Variants in PLEKHH2 observed in about 807,000 individuals in gnomAD.
PLEKHH2 encodes the protein pleckstrin homology domain-containing family H member 2.
Under a neutral mutation model 187.9 loss-of-function variants are expected in PLEKHH2, and 129 were observed. The observed-to-expected ratio is 0.69, with a 90% CI of 0.59 to 0.79. The LOEUF (loss-of-function observed/expected upper bound fraction) is 0.79, where lower values mean the gene tolerates loss of function less well. PLEKHH2 is among the 30% of genes least tolerant of loss of function. The probability of loss-of-function intolerance (pLI) is 0.00; values close to 1 mark genes in which losing one functional copy is unlikely to be tolerated. For missense variants in PLEKHH2, 2,076 were observed against 1,751.2 expected, an observed-to-expected ratio of 1.19 and a Z score of -3.31; for synonymous variants, 686 against 605.6, an observed-to-expected ratio of 1.13 and a Z score of -1.95.
At chr2:43,655,328 G>A (rs900849254) in intron 2 of PLEKHH2, among the ~76,000 whole-genome samples, 1 of 152,236 alleles carries the variant, frequency 6.6e-6, no homozygotes, top group African/African-American at 2.4e-5. Context: ...TAGTGGTGGG[G>A]GATTTGGTGA....
chr2:43,754,756 C>G lies in PLEKHH2; in HGVS notation c.3795+996C>G, dbSNP rs144574047. On this transcript the variant is annotated intron_variant, in intron 25 of 29. Coordinates refer to ENST00000282406, the MANE Select transcript of PLEKHH2 (RefSeq NM_172069.4). ...TTGGCCTATGGCTCTTCACGCTACA[C>G]TCTGTCCCAGGACATCTCAATCATT... is the stretch of plus-strand genomic sequence containing the variant. Among the ~76,000 whole-genome samples the G allele has an allele frequency of 3.2e-3, 494 of 152,274 alleles. 1 individual carries two copies. The highest frequency in any genetic ancestry group is 0.011 in the African/African-American group (457 of 41,560).
At chr2:43,639,813 T>C (rs1374245916) in intron 1 of PLEKHH2, among the ~76,000 whole-genome samples, 1 of 152,032 alleles carries the variant, frequency 6.6e-6, no homozygotes, top group Non-Finnish European at 1.5e-5. Flanking sequence ...TGCACCACCA[T>C]GCCTGGCTAA....
chr2:43,719,288 CTGATA>C (rs1558556549), intron 15 of PLEKHH2, among the ~76,000 whole-genome samples: 2 of 152,102 alleles, frequency 1.3e-5, no homozygotes, highest in African/African-American at 4.8e-5. Flanking sequence ...AACTTAGTAC[CTGATA>C]TACAGGAGGT....
At chr2:43,706,994 G>A (rs186543006) in intron 10 of PLEKHH2, among the ~76,000 whole-genome samples, 3 of 151,982 alleles carry the variant, frequency 2.0e-5, no homozygotes, top group Admixed American at 6.5e-5. Flanking sequence ...TCAGGAGTTC[G>A]AGACCAGCCT....
Position 43,706,392 on chromosome 2 carries a change from C to G in PLEKHH2, c.1797C>G (p.Thr599=). 6.2e-7 allele frequency: 1 copy of G among 1,600,562 alleles called. No homozygotes were observed. The highest frequency in any genetic ancestry group is 2.2e-5 in the East Asian group (1 of 44,784). The change falls in exon 10 of 30, where the codon ACC becomes ACG. Residue 599 remains threonine (T), a synonymous_variant. Transcript: ENST00000282406. The stretch of plus-strand genomic sequence containing the variant: ...CTCTGATATACAAGAACATGACCAC[C>G]CCAGTGTATACAACTTTGAAGGGGG... ...YTSLIYKNMT[T]PVYTTLKGKA...
intron 10 of PLEKHH2, among the ~76,000 whole-genome samples, chr2:43,706,770 G>T (rs1428656233): frequency 6.6e-6 from 1 of 152,148 alleles, no homozygotes. Flanking sequence ...CTTGCTTGAA[G>T]TATTAATTAA....
At chr2:43,681,338 T>G in intron 3 of PLEKHH2, 1 of 1,113,600 alleles carries the variant, frequency 9.0e-7, no homozygotes, top group Non-Finnish European at 1.3e-6. Flanking sequence ...CTCAGCTCCA[T>G]TGGGGTCACC....
intron 3 of PLEKHH2, among the ~76,000 whole-genome samples, chr2:43,685,606 C>CTT (rs34341551): frequency 8.8e-4 from 119 of 135,656 alleles, no homozygotes; most frequent in Middle Eastern, 3.8e-3. Context: ...GTTTTTTAAC[C>CTT]TTTTTTTTTT....
intron 11 of PLEKHH2, 137 bp downstream of exon 11, chr2:43,707,682 G>A: frequency 1.1e-6 from 1 of 909,714 alleles, no homozygotes. Context: ...TTTAGCCTAT[G>A]ACTGATATGT....
At chr2:43,720,573 T>C in intron 15 of PLEKHH2, 96 bp from the exon 16 acceptor site, 4 of 1,551,538 alleles carry the variant, frequency 2.6e-6, no homozygotes, top group Non-Finnish European at 3.5e-6. Context: ...CTGGGCAAAC[T>C]GGATGCCTAT....
rs183815938 is a variant in PLEKHH2 at position 43,766,501 on chromosome 2, C to A, written c.*903C>A. The A allele has an allele frequency of 9.2e-5, 14 of 152,950 alleles. No individual in the cohort carries two copies. The highest frequency in any genetic ancestry group is 1.5e-4 in the Non-Finnish European group (10 of 68,442). 9.5% of individuals were successfully genotyped at this position (152,950 alleles called of 1,614,324 possible). Reference sequence around the variant, plus strand: ...CACAGATAGGGTCTTGCTATGTTGCCCAGGCTGGTCTTGAACTCCTGGCCT... The same window carrying A: ...CACAGATAGGGTCTTGCTATGTTGCACAGGCTGGTCTTGAACTCCTGGCCT... On this transcript the variant is annotated 3_prime_UTR_variant, in exon 30 of 30. Coordinates refer to ENST00000282406, the MANE Select transcript of PLEKHH2 (RefSeq NM_172069.4).
At chr2:43,674,362 T>G (rs999596346) in intron 2 of PLEKHH2, among the ~76,000 whole-genome samples, 1 of 152,212 alleles carries the variant, frequency 6.6e-6, no homozygotes, top group Non-Finnish European at 1.5e-5. Flanking sequence ...TATAGTTATA[T>G]TGTAGAAGTG....
At position 43,767,231 on chromosome 2, in the gene PLEKHH2, T is replaced by A. The variant is rs1256861268; in HGVS notation, c.*1633T>A. ...ATTTGAGAAATGTTAGCTGCTGAAT[T>A]AATTTGTTGCCCGAGCCTTCATATT... On this transcript the variant is annotated 3_prime_UTR_variant, in exon 30 of 30. Coordinates refer to ENST00000282406, the MANE Select transcript of PLEKHH2 (RefSeq NM_172069.4). The A allele has an allele frequency of 2.0e-5, 3 of 152,336 alleles. No individual in the cohort carries two copies. The highest frequency in any genetic ancestry group is 6.5e-5 in the Admixed American group (1 of 15,284). 9.4% of individuals were successfully genotyped at this position (152,336 alleles called of 1,614,324 possible). A position where few individuals can be genotyped will look rare whatever the true frequency, so the allele number is the denominator to read the frequency against.
chr2:43,676,008 A>C (rs773527917), intron 2 of PLEKHH2: 1 of 1,613,982 alleles, frequency 6.2e-7, no homozygotes, highest in Non-Finnish European at 8.5e-7. Context: ...ACAAATTATC[A>C]TTTTTAGTAT....
At chr2:43,710,355 A>G (rs1387940374) in intron 13 of PLEKHH2, 25 bp downstream of exon 13, 2 of 1,605,842 alleles carry the variant, frequency 1.2e-6, no homozygotes, top group African/African-American at 2.7e-5. Flanking sequence ...TTTTCTGTTT[A>G]GAACGTAATT....
intron 3 of PLEKHH2, among the ~76,000 whole-genome samples, chr2:43,685,899 T>A (rs2104448186): frequency 6.6e-6 from 1 of 152,356 alleles, no homozygotes. Flanking sequence ...AGTATCTAAT[T>A]AGGTGGATAC....
intron 15 of PLEKHH2, among the ~76,000 whole-genome samples, chr2:43,714,503 T>C (rs1025381243): frequency 6.6e-6 from 1 of 152,188 alleles, no homozygotes; most frequent in South Asian, 2.1e-4. Flanking sequence ...GGCTGCAATA[T>C]GAGATACTGT....
In PLEKHH2 at chr2:43,680,969, C is replaced by G. The variant is rs537303035; in HGVS notation, c.186+2044C>G. 54 of 1,099,986 alleles carry G rather than the reference C, an allele frequency of 4.9e-5. No homozygotes were observed. The South Asian group carries it at 8.6e-4, about 18-fold the overall frequency. The allele number at this position is 1,099,986 out of a possible 1,614,324, so 68.1% of individuals were successfully genotyped here. A position where few individuals can be genotyped will look rare whatever the true frequency, so the allele number is the denominator to read the frequency against. On this transcript the variant is annotated intron_variant, in intron 3 of 29. Coordinates refer to ENST00000282406, the MANE Select transcript of PLEKHH2 (RefSeq NM_172069.4). ...TATTTTTACTACATACACTGGATTT[C>G]TAGTTTCCGTTACTGTTGTTCATAT...
At chr2:43,645,948 C>T (rs1284762960) in intron 2 of PLEKHH2, among the ~76,000 whole-genome samples, 4 of 152,104 alleles carry the variant, frequency 2.6e-5, no homozygotes, top group Non-Finnish European at 1.5e-5. Flanking sequence ...CCTTTCATTG[C>T]TAGCCAAGAA....
Sources: allele counts gnomAD v4.1 joint callset (sites outside exome capture counted in the v4.1 genomes callset), GRCh38; gene constraint gnomAD v4.1.1; transcripts MANE v1.5; gene names NCBI Gene and HGNC (gene_info 2026-07-23, HGNC 2026-07-21).